DYM: variants seen among roughly 807,000 people sequenced by gnomAD.
The protein encoded by DYM is dymeclin, also known as dyggve-Melchior-Clausen syndrome protein.
In DYM, 78 loss-of-function variants were observed where a neutral mutation model predicts 93.1. That is an observed-to-expected ratio of 0.84 (90% CI 0.70 to 1.01). The LOEUF (loss-of-function observed/expected upper bound fraction) is 1.01. Among genes scored for constraint, DYM ranks in the 50% least tolerant of loss-of-function variants. The pLI is 0.00. For missense variants in DYM, 789 were observed against 845.0 expected, an observed-to-expected ratio of 0.93 and a Z score of 0.82; for synonymous variants, 321 against 319.7, an observed-to-expected ratio of 1.00 and a Z score of -0.04.
chr18:49,441,939 A>T (rs1049718924), intron 1 of DYM, among the ~76,000 whole-genome samples: 2 of 152,140 alleles, frequency 1.3e-5, no homozygotes, highest in African/African-American at 4.8e-5. Flanking sequence ...GTGGAAAATG[A>T]AGAAAACAAG....
At chr18:49,240,217 C>A (rs1026772848) in intron 13 of DYM, among the ~76,000 whole-genome samples, 2 of 152,094 alleles carry the variant, frequency 1.3e-5, no homozygotes, top group African/African-American at 4.8e-5. Flanking sequence ...TGCTCACATC[C>A]ACTCTACCTA....
intron 17 of DYM, among the ~76,000 whole-genome samples, chr18:49,096,083 G>A (rs567960973): frequency 4.6e-5 from 7 of 152,016 alleles, no homozygotes; most frequent in South Asian, 4.2e-4. Flanking sequence ...AACAAACCAA[G>A]GTCTTACTTT....
At chr18:49,183,148 C>G (rs1304044357) in intron 14 of DYM, among the ~76,000 whole-genome samples, 1 of 152,118 alleles carries the variant, frequency 6.6e-6, no homozygotes, top group East Asian at 1.9e-4. Flanking sequence ...AAATACAACA[C>G]TACGTATTTG....
At chr18:49,292,624 A>AAAACAC (rs1568189068) in intron 8 of DYM, among the ~76,000 whole-genome samples, 1 of 65,046 alleles carries the variant, frequency 1.5e-5, no homozygotes, top group African/African-American at 5.4e-5. Flanking sequence ...AAAAAAAAAA[A>AAAACAC]ACCCCCACAA....
At chr18:49,235,425 G>T (rs2093830485) in intron 13 of DYM, among the ~76,000 whole-genome samples, 1 of 151,388 alleles carries the variant, frequency 6.6e-6, no homozygotes, top group Non-Finnish European at 1.5e-5. Flanking sequence ...AAGAATAACA[G>T]AAGCTAAAGT....
intron 11 of DYM, among the ~76,000 whole-genome samples, chr18:49,260,129 G>A (rs2094466360): frequency 6.6e-6 from 1 of 152,156 alleles, no homozygotes; most frequent in Admixed American, 6.5e-5. Context: ...CATGGCAGCT[G>A]GGCACAGTGG....
chr18:49,347,646 C>T lies in DYM; in HGVS notation c.495-13793G>A, dbSNP rs182482262. 1.9e-4 allele frequency among the ~76,000 whole-genome samples: 29 copies of T among 152,186 alleles called. No individual in the cohort carries two copies. In the East Asian group the frequency reaches 4.8e-3, roughly 25 times the overall value. On this transcript the variant is annotated intron_variant, in intron 6 of 17. Transcript: ENST00000675505. The stretch of plus-strand genomic sequence containing the variant: ...GAGGACCTCTAATGGCATTTCCTCC[C>T]GTAACTTTCTATAATGCTCTTAAAA...
intron 3 of DYM, among the ~76,000 whole-genome samples, chr18:49,380,254 C>T (rs181717062): frequency 6.6e-6 from 1 of 152,156 alleles, no homozygotes; most frequent in Admixed American, 6.6e-5. Context: ...TTTGACCAGA[C>T]AAAACTTTAA....
chr18:49,345,591 A>C (rs2064519078), intron 6 of DYM, among the ~76,000 whole-genome samples: 1 of 152,150 alleles, frequency 6.6e-6, no homozygotes, highest in Non-Finnish European at 1.5e-5. Flanking sequence ...TAGTACCTTT[A>C]AGGAACAACA....
rs143280807 is a variant in DYM at position 49,201,815 on chromosome 18, T to C, written c.1625+7736A>G. Among the ~76,000 whole-genome samples, 538 of 152,366 alleles carry C rather than the reference T, an allele frequency of 3.5e-3. 15 individuals carry two copies. Among genetic ancestry groups the C allele is most frequent in the Admixed American group, 0.033 (509 of 15,310 alleles). ...TTTCAGACTACTTCAGATTCTCCTG[T>C]CAGAAGAGATCGCTTTTTATATGTT... On this transcript the variant is annotated intron_variant, in intron 14 of 17. Transcript: ENST00000675505.
Position 49,171,856 on chromosome 18 carries a change from T to G in DYM, c.1626-8069A>C, listed in dbSNP as rs541191612. ...CTGGTTACCTTAGTTTTAATCAGCT[T>G]TATTGAGAAATAATCTTTATATAAT... On this transcript the variant is annotated intron_variant, in intron 14 of 17. Transcript: ENST00000675505. Among the ~76,000 whole-genome samples, 5 of 152,312 alleles carry G rather than the reference T, an allele frequency of 3.3e-5. No homozygotes were observed. The South Asian group carries it at 1.0e-3, about 32-fold the overall frequency.
At chr18:49,190,618 C>T (rs1051130183) in intron 14 of DYM, among the ~76,000 whole-genome samples, 2 of 152,126 alleles carry the variant, frequency 1.3e-5, no homozygotes, top group Non-Finnish European at 2.9e-5. Context: ...ACATGAGATA[C>T]AAGAACGAAC....
intron 1 of DYM, among the ~76,000 whole-genome samples, chr18:49,435,776 C>A (rs1275423916): frequency 2.0e-5 from 3 of 151,992 alleles, no homozygotes; most frequent in Non-Finnish European, 4.4e-5. Context: ...GCAACAAGAA[C>A]AACACTCCAT....
chr18:49,092,335 C>T (rs1249343193), intron 17 of DYM, among the ~76,000 whole-genome samples: 1 of 152,190 alleles, frequency 6.6e-6, no homozygotes, highest in Admixed American at 6.5e-5. Context: ...TTTATGGAAA[C>T]CTTACCATCC....
chr18:49,389,937 T>C lies in DYM; in HGVS notation c.193+1656A>G, dbSNP rs145781443. On this transcript the variant is annotated intron_variant, in intron 3 of 17. Coordinates refer to ENST00000675505, the MANE Select transcript of DYM (RefSeq NM_001353214.3). Reference sequence around the variant, plus strand: ...ATTTTTTTAAAAACCCAAAGTCACCTTAAAAGCCATTATCACAGTAACTAC... The same window carrying C: ...ATTTTTTTAAAAACCCAAAGTCACCCTAAAAGCCATTATCACAGTAACTAC... 3.3e-3 allele frequency among the ~76,000 whole-genome samples: 496 copies of C among 152,330 alleles called. 6 individuals carry two copies. The highest frequency in any genetic ancestry group is 0.019 in the Admixed American group (284 of 15,304).
intron 2 of DYM, among the ~76,000 whole-genome samples, chr18:49,397,227 T>C (rs181342024): frequency 6.6e-6 from 1 of 152,342 alleles, no homozygotes; most frequent in Admixed American, 6.5e-5. Flanking sequence ...ATGATAACTA[T>C]TATTGATTCC....
chr18:49,074,166 C>G (rs1222762535), intron 17 of DYM, among the ~76,000 whole-genome samples: 1 of 152,180 alleles, frequency 6.6e-6, no homozygotes, highest in Non-Finnish European at 1.5e-5. Flanking sequence ...TTTCGCATCC[C>G]TGGATTCAAC....
At chr18:49,236,351 G>A (rs1204326588) in intron 13 of DYM, among the ~76,000 whole-genome samples, 1 of 152,010 alleles carries the variant, frequency 6.6e-6, no homozygotes, top group Non-Finnish European at 1.5e-5. Flanking sequence ...GTGGTGGCAG[G>A]CGCCTGTAGT....
At chr18:49,154,263 G>A (rs751027994) in intron 15 of DYM, among the ~76,000 whole-genome samples, 8 of 152,266 alleles carry the variant, frequency 5.3e-5, no homozygotes, top group Non-Finnish European at 1.0e-4. Flanking sequence ...TGTTAAAATT[G>A]TAAAATCTGA....
Sources: gnomAD v4.1 joint callset for allele counts (sites outside exome capture counted in the v4.1 genomes callset) on GRCh38, gnomAD v4.1.1 for gene constraint, MANE v1.5 for transcripts, NCBI Gene and HGNC (gene_info 2026-07-23, HGNC 2026-07-21) for gene names.